Variants in SS18 observed in about 807,000 individuals in gnomAD.
SS18 encodes SS18 subunit of BAF chromatin remodeling complex.
Under a neutral mutation model 72.5 loss-of-function variants are expected in SS18, and 28 were observed. The ratio of observed to expected loss-of-function variants is 0.39; its 90% CI spans 0.29 to 0.53. The LOEUF is 0.53. Ranked by LOEUF, SS18 falls within the 20% of genes least tolerant of loss-of-function variation. SS18 has a pLI of 0.76. For synonymous variants in SS18, 172 were observed against 164.2 expected (o/e 1.05, Z -0.37); for missense variants, 518 against 535.3 (o/e 0.97, Z 0.32).
At position 26,030,890 on chromosome 18, in the gene SS18, A is replaced by C. The variant is rs183040453; in HGVS notation, c.1230+1509T>G. Among the ~76,000 whole-genome samples the C allele has an allele frequency of 1.9e-3, 294 of 152,326 alleles. 1 individual carries two copies. The highest frequency in any genetic ancestry group is 7.0e-3 in the African/African-American group (289 of 41,570). Reference sequence around the variant, plus strand: ...GAATCAATGTAAACGCGAGAGGAACAAAATGTTTCAGAAATATAGAAACTA... The same window carrying C: ...GAATCAATGTAAACGCGAGAGGAACCAAATGTTTCAGAAATATAGAAACTA... On this transcript the variant is annotated intron_variant, in intron 10 of 10. Coordinates refer to ENST00000415083, the MANE Select transcript of SS18 (RefSeq NM_001007559.3).
chr18:26,072,922 T>A (rs1471746580), intron 3 of SS18, among the ~76,000 whole-genome samples: 1 of 148,920 alleles, frequency 6.7e-6, no homozygotes. Flanking sequence ...AAACAAAACA[T>A]TGGAAAGACT....
At chr18:26,054,866 A>G (rs1452322464) in intron 4 of SS18, among the ~76,000 whole-genome samples, 1 of 151,484 alleles carries the variant, frequency 6.6e-6, no homozygotes, top group East Asian at 2.0e-4. Flanking sequence ...TCAGCTTCCC[A>G]AGTAGCTGGG....
chr18:26,031,397 GA>G (rs1241737093), intron 10 of SS18, among the ~76,000 whole-genome samples: 5 of 152,162 alleles, frequency 3.3e-5, no homozygotes, highest in African/African-American at 1.2e-4. Context: ...CCTCAAACCA[GA>G]TACTGATGTT....
Position 26,060,771 on chromosome 18 carries a change from C to CAAAAAAAAAAAAA in SS18, c.232-3042_232-3030dup, listed in dbSNP as rs60999827. ...GAAACTCTGTCTCTACTAAAAATAC[C>CAAAAAAAAAAAAA]AAAAAAAAAAAAAAAAAAAAAAAAA... On this transcript the variant is annotated intron_variant, in intron 3 of 10. Transcript: ENST00000415083. 2.6e-3 allele frequency among the ~76,000 whole-genome samples: 103 copies of CAAAAAAAAAAAAA among 39,606 alleles called. 30 individuals are homozygous for CAAAAAAAAAAAAA. The highest frequency in any genetic ancestry group is 4.2e-3 in the Non-Finnish European group (74 of 17,604). The allele number at this position is 39,606 out of a possible 152,430, so 26.0% of individuals were successfully genotyped here. A position where few individuals can be genotyped will look rare whatever the true frequency, so the allele number is the denominator to read the frequency against.
At chr18:26,042,918 C>T (rs2053754984) in intron 5 of SS18, among the ~76,000 whole-genome samples, 1 of 152,096 alleles carries the variant, frequency 6.6e-6, no homozygotes, top group Admixed American at 6.6e-5. Flanking sequence ...ATGTATTTCA[C>T]ATCCTCAGAT....
intron 5 of SS18, among the ~76,000 whole-genome samples, chr18:26,046,889 G>A (rs962951866): frequency 6.6e-6 from 1 of 152,180 alleles, no homozygotes; most frequent in Non-Finnish European, 1.5e-5. Flanking sequence ...ACAGGCATCT[G>A]TTATTTATGT....
chr18:26,084,161 T>A (rs1460752842), intron 2 of SS18: 1 of 151,788 alleles, frequency 6.6e-6, no homozygotes, highest in African/African-American at 2.4e-5. Context: ...CTTGAGGGGC[T>A]CCCACTGGCC....
In SS18 at chr18:26,035,923, C is replaced by T. The variant is rs762072304; in HGVS notation, c.881G>A (p.Gly294Asp). The T allele has an allele frequency of 6.3e-7, 1 of 1,593,716 alleles. No homozygotes were observed. Among genetic ancestry groups the T allele is most frequent in the Admixed American group, 1.7e-5 (1 of 58,528 alleles). The change falls in exon 8 of 11, where the codon GGT becomes GAT. Residue 294 changes from glycine (G) to aspartate (D), a missense_variant and splice_region_variant. Transcript: ENST00000415083. The surrounding 1 kb of genome is among the most constrained non-coding windows in gnomAD (Gnocchi z 4.4). ...TTGCTGATAACCGTAATCATTATGA[C>T]CTACATCAATTCGACAAGAGACAGG... is the stretch of plus-strand genomic sequence containing the variant. The part of the protein sequence containing the change: ...EGMNQQYYPD[G>D]HNDYGYQQPS...
chr18:26,048,094 T>C (rs1423755900), intron 5 of SS18, among the ~76,000 whole-genome samples: 3 of 152,246 alleles, frequency 2.0e-5, no homozygotes, highest in African/African-American at 4.8e-5. Flanking sequence ...TTCCGCTATA[T>C]ATTTAGCAAA....
chr18:26,065,494 A>C (rs774746323), intron 3 of SS18, among the ~76,000 whole-genome samples: 190 of 152,172 alleles, frequency 1.2e-3, no homozygotes, highest in Non-Finnish European at 2.0e-3. Context: ...AAAAGAAGAA[A>C]CTTGAGTCCT....
chr18:26,038,574 G>A lies in SS18; in HGVS notation c.861C>T (p.Asn287=). 1.2e-6 allele frequency: 2 copies of A among 1,613,324 alleles called. No homozygotes were observed. Among genetic ancestry groups the A allele is most frequent in the Non-Finnish European group, 1.7e-6 (2 of 1,179,428 alleles). ...HGGQGPPEGM[N]QQYYPDGHND... is the part of the protein sequence containing the mutation. ...GATTACCATCAGGGTAATATTGCTG[G>A]TTCATGCCTTCTGGAGGACCTTGTC... The change falls in exon 7 of 11, where the codon AAC becomes AAT. Residue 287 remains asparagine, a synonymous_variant. Coordinates refer to ENST00000415083, the MANE Select transcript of SS18 (RefSeq NM_001007559.3).
upstream of SS18, chr18:26,090,828 G>A (rs540426555): frequency 3.4e-4 from 192 of 563,548 alleles, no homozygotes; most frequent in African/African-American, 3.4e-3. Flanking sequence ...CTCTCCTTAT[G>A]GGCACCCCCT....
At chr18:26,027,498 A>AAAAT (rs983140246) in intron 10 of SS18, among the ~76,000 whole-genome samples, 42 of 151,482 alleles carry the variant, frequency 2.8e-4, no homozygotes, top group Admixed American at 2.3e-3. Flanking sequence ...AATACAAATA[A>AAAAT]AAATAAATAA....
intron 3 of SS18, among the ~76,000 whole-genome samples, chr18:26,076,136 C>T (rs546070874): frequency 5.3e-5 from 8 of 151,912 alleles, no homozygotes; most frequent in Non-Finnish European, 1.2e-4. Context: ...GATATCAAGT[C>T]TTCCCAAATT....
At chr18:26,043,609 T>A (rs2053767906) in intron 5 of SS18, among the ~76,000 whole-genome samples, 1 of 152,178 alleles carries the variant, frequency 6.6e-6, no homozygotes, top group Non-Finnish European at 1.5e-5. Flanking sequence ...TTAAAAAGAA[T>A]AGGATTCTTT....
rs200524654 is a variant in SS18 at position 26,052,830 on chromosome 18, G to A, written c.401C>T (p.Pro134Leu). 9 of 1,613,972 alleles carry A rather than the reference G, an allele frequency of 5.6e-6. No individual in the cohort carries two copies. The highest frequency in any genetic ancestry group is 7.6e-6 in the Non-Finnish European group (9 of 1,179,974). The part of the protein sequence containing the change: ...NGQMPGPNHM[P>L]MQGPGPNQLN... ...TTGATTGGGTCCAGGTCCCTGCATA[G>A]GCATATGGTTAGGCCCTTTGAAGAA... Residue 134 changes from proline (P) to leucine (L), a missense_variant, in exon 5 of 11, where the codon CCT becomes CTT. Coordinates refer to ENST00000415083, the MANE Select transcript of SS18 (RefSeq NM_001007559.3).
In SS18 at chr18:26,087,529, T is replaced by G; in HGVS notation, c.118A>C (p.Asn40His). Reference sequence around the variant, plus strand: ...GAACACTCTGAGGTCTTTCCTTTATTCTGAGAGTCCATTATACACTGAATA... The same window carrying G: ...GAACACTCTGAGGTCTTTCCTTTATGCTGAGAGTCCATTATACACTGAATA... ...HLIQCIMDSQ[N>H]KGKTSECSQY... Residue 40 changes from asparagine (N) to histidine (H), a missense_variant, in exon 2 of 11, where the codon AAT becomes CAT. Asn to His is a moderately conservative substitution (Grantham distance 68). Coordinates refer to ENST00000415083, the MANE Select transcript of SS18 (RefSeq NM_001007559.3). 6.3e-7 allele frequency: 1 copy of G among 1,597,506 alleles called. No homozygotes were observed. The highest frequency in any genetic ancestry group is 8.5e-7 in the Non-Finnish European group (1 of 1,170,110).
rs182197616 is a variant in SS18 at position 26,054,881 on chromosome 18, C to A, written c.386-2036G>T. On this transcript the variant is annotated intron_variant, in intron 4 of 10. Transcript: ENST00000415083. ...TCAGCTTCCCAAGTAGCTGGGATTA[C>A]AAGTGTGTGCCACCACGCCAGCTAA... Among the ~76,000 whole-genome samples, 40 of 152,050 alleles carry A rather than the reference C, an allele frequency of 2.6e-4. No individual in the cohort carries two copies. The South Asian group carries it at 4.8e-3, about 18-fold the overall frequency.
chr18:26,039,563 A>T, intron 5 of SS18, 107 bp from the exon 6 acceptor site: 1 of 998,646 alleles, frequency 1.0e-6, no homozygotes, highest in Admixed American at 2.9e-5. Flanking sequence ...TATATAATTA[A>T]ATGCAGTAAA....
Sources: allele counts gnomAD v4.1 joint callset (sites outside exome capture counted in the v4.1 genomes callset), GRCh38; gene constraint gnomAD v4.1.1; non-coding constraint Gnocchi (gnomAD v3.1); transcripts MANE v1.5; gene names NCBI Gene and HGNC (gene_info 2026-07-23, HGNC 2026-07-21).